Variants in CSMD1 observed in about 807,000 individuals in gnomAD.
CSMD1 encodes the protein CUB and Sushi multiple domains 1.
CSMD1 carries 213 observed loss-of-function variants against 417.5 expected under a neutral mutation model. The observed-to-expected ratio is 0.51, with a 90% confidence interval of 0.46 to 0.57. The LOEUF (loss-of-function observed/expected upper bound fraction) is 0.57, where lower values mean the gene tolerates loss of function less well. Ranked by LOEUF, CSMD1 falls within the 20% of genes least tolerant of loss-of-function variation. The pLI, the probability that CSMD1 is intolerant of heterozygous loss-of-function variation, is 0.00. For missense variants in CSMD1, 6,923 were observed against 4,529.7 expected (o/e 1.53, Z -15.17); for synonymous variants, 2,862 against 1,736.8 (o/e 1.65, Z -16.11).
chr8:4,758,948 G>A (rs1406642028), intron 1 of CSMD1, among the ~76,000 whole-genome samples: 2 of 152,232 alleles, frequency 1.3e-5, no homozygotes, highest in African/African-American at 4.8e-5. Flanking sequence ...GCAGACGGTG[G>A]AGGGTTTGCC....
chr8:3,265,162 ACACTCT>A (rs1254849676), intron 26 of CSMD1, among the ~76,000 whole-genome samples: 1 of 152,206 alleles, frequency 6.6e-6, no homozygotes, highest in Non-Finnish European at 1.5e-5. Flanking sequence ...TAAGGAATTT[ACACTCT>A]CACTAGAACC....
intron 5 of CSMD1, among the ~76,000 whole-genome samples, chr8:3,784,391 G>T (rs775640771): frequency 6.6e-6 from 1 of 152,090 alleles, no homozygotes; most frequent in Non-Finnish European, 1.5e-5. Context: ...CGATTCTTCA[G>T]CCCAGAAATA....
intron 1 of CSMD1, among the ~76,000 whole-genome samples, chr8:4,923,756 C>A (rs919371478): frequency 1.3e-5 from 2 of 152,054 alleles, no homozygotes; most frequent in East Asian, 3.9e-4. Context: ...TTGGAAAGGT[C>A]ATTCTATTAT....
chr8:3,878,272 G>A (rs1454061861), intron 5 of CSMD1, among the ~76,000 whole-genome samples: 1 of 152,124 alleles, frequency 6.6e-6, no homozygotes, highest in Non-Finnish European at 1.5e-5. Flanking sequence ...TTCCAGGAAT[G>A]GGACTAAAAT....
intron 3 of CSMD1, among the ~76,000 whole-genome samples, chr8:4,080,440 C>A (rs1201424836): frequency 6.6e-6 from 1 of 152,150 alleles, no homozygotes; most frequent in Admixed American, 6.5e-5. Flanking sequence ...CATACATTAT[C>A]CATGTGTTAC....
At chr8:3,917,518 A>T (rs1388284630) in intron 5 of CSMD1, among the ~76,000 whole-genome samples, 1 of 152,164 alleles carries the variant, frequency 6.6e-6, no homozygotes, top group Non-Finnish European at 1.5e-5. Flanking sequence ...AAATACACAA[A>T]TAACAACCAA....
intron 2 of CSMD1, among the ~76,000 whole-genome samples, chr8:4,536,230 A>G (rs1797097349): frequency 6.6e-6 from 1 of 152,144 alleles, no homozygotes; most frequent in Non-Finnish European, 1.5e-5. Context: ...TAACCTATTC[A>G]TAATTATGTG....
At chr8:3,330,851 T>C (rs1015835006) in intron 23 of CSMD1, among the ~76,000 whole-genome samples, 2 of 152,248 alleles carry the variant, frequency 1.3e-5, no homozygotes, top group African/African-American at 4.8e-5. Flanking sequence ...TAGGATACTA[T>C]AGCAAAACTG....
intron 3 of CSMD1, among the ~76,000 whole-genome samples, chr8:4,415,203 G>A (rs115688791): frequency 2.9e-3 from 435 of 152,176 alleles, no homozygotes; most frequent in African/African-American, 0.01. Context: ...CCAGGCTCAG[G>A]ATCATCCGCC....
At chr8:3,587,999 A>C (rs1169717909) in intron 8 of CSMD1, among the ~76,000 whole-genome samples, 2 of 152,168 alleles carry the variant, frequency 1.3e-5, no homozygotes, top group African/African-American at 4.8e-5. Flanking sequence ...ACAGTTATTT[A>C]AGATATCTGT....
intron 9 of CSMD1, among the ~76,000 whole-genome samples, chr8:3,583,316 G>T (rs943795016): frequency 6.6e-6 from 1 of 151,862 alleles, no homozygotes; most frequent in Non-Finnish European, 1.5e-5. Context: ...CTTTGGAACC[G>T]GGTTGTGGGT....
rs1330864465 is a variant in CSMD1 at position 3,910,611 on chromosome 8, G to A, written c.818+87292C>T. ...TTGGGTTCTAACACAGCAAAAGACA[G>A]ATGATTTTAATATAAAGCTATTGTG... On this transcript the variant is annotated intron_variant, in intron 5 of 69. Coordinates refer to ENST00000635120, the MANE Select transcript of CSMD1 (RefSeq NM_033225.6). 3.3e-5 allele frequency among the ~76,000 whole-genome samples: 5 copies of A among 152,170 alleles called. 1 individual carries two copies. In the South Asian group the frequency reaches 1.0e-3, roughly 32 times the overall value.
intron 5 of CSMD1, among the ~76,000 whole-genome samples, chr8:3,796,366 TATC>T (rs1800134072): frequency 1.4e-5 from 1 of 70,464 alleles, no homozygotes; most frequent in Non-Finnish European, 2.9e-5. Context: ...TAGATATAGA[TATC>T]TATCATGTAT....
At chr8:3,885,939 T>G (rs184567942) in intron 5 of CSMD1, among the ~76,000 whole-genome samples, 4 of 152,224 alleles carry the variant, frequency 2.6e-5, no homozygotes, top group Non-Finnish European at 5.9e-5. Flanking sequence ...TGTTAAAAGT[T>G]GATAAGTTAT....
chr8:3,598,751 GC>G (rs1801213390), intron 8 of CSMD1, among the ~76,000 whole-genome samples: 2 of 151,930 alleles, frequency 1.3e-5, no homozygotes, highest in Non-Finnish European at 2.9e-5. Context: ...ATTTCCCCCC[GC>G]CCCTTCTTTT....
At chr8:4,108,602 C>A in intron 3 of CSMD1, among the ~76,000 whole-genome samples, 1 of 152,196 alleles carries the variant, frequency 6.6e-6, no homozygotes, top group Non-Finnish European at 1.5e-5. Flanking sequence ...ACGGCAACAG[C>A]ACAGGTTCCC....
intron 5 of CSMD1, among the ~76,000 whole-genome samples, chr8:3,793,498 C>A (rs957647582): frequency 6.7e-6 from 1 of 148,850 alleles, no homozygotes; most frequent in Non-Finnish European, 1.5e-5. Flanking sequence ...CCCTCTTGTG[C>A]CCCCCTCTCT....
At chr8:4,040,925 GA>G (rs1223669083) in intron 3 of CSMD1, among the ~76,000 whole-genome samples, 5 of 151,486 alleles carry the variant, frequency 3.3e-5, no homozygotes, top group Non-Finnish European at 5.9e-5. Context: ...TTGCTAGTGT[GA>G]ATTATTAAAT....
intron 54 of CSMD1, among the ~76,000 whole-genome samples, chr8:2,996,822 A>T (rs1806938049): frequency 1.3e-5 from 2 of 152,250 alleles, no homozygotes; most frequent in African/African-American, 4.8e-5. Context: ...TTAAAGGAAA[A>T]AACAAACACA....
Sources: allele counts gnomAD v4.1 joint callset (sites outside exome capture counted in the v4.1 genomes callset), GRCh38; gene constraint gnomAD v4.1.1; transcripts MANE v1.5; gene names NCBI Gene and HGNC (gene_info 2026-07-23, HGNC 2026-07-21).